The following LAMC3 variants were observed in gnomAD, a reference collection of about 807,000 sequenced individuals.
LAMC3 encodes laminin subunit gamma-3.
A neutral mutation model predicts 173.8 loss-of-function variants in LAMC3; 128 were observed. That is an observed-to-expected ratio of 0.74 (90% CI 0.64 to 0.85). The LOEUF (loss-of-function observed/expected upper bound fraction) is 0.85, where lower values mean the gene tolerates loss of function less well. Ranked by LOEUF, LAMC3 falls within the 40% of genes least tolerant of loss-of-function variation. LAMC3 has a pLI of 0.00. For synonymous variants in LAMC3, 897 were observed against 909.1 expected (o/e 0.99, Z 0.24); for missense variants, 2,022 against 2,156.0 (o/e 0.94, Z 1.23).
rs1834059786 is a variant in LAMC3, at chr9:131,041,662, A to G, written c.1309A>G (p.Ser437Gly). The change falls in exon 7 of 28, where the codon AGC becomes GGC. Residue 437 changes from serine to glycine, a missense_variant. Physicochemically the swap from Ser to Gly is moderately conservative, Grantham distance 56 (BLOSUM62 0). Transcript: ENST00000361069. ...ACCCTGCACTTGCAATCCCGCTGGC[A>G]GCCTGGACACCTGTGACCCCCGCAG... ...CRPCTCNPAG[S>G]LDTCDPRSGR... The G allele has an allele frequency of 6.2e-7, 1 of 1,614,026 alleles. No homozygotes were observed. The highest frequency in any genetic ancestry group is 1.1e-5 in the South Asian group (1 of 91,072).
At chr9:131,081,428 A>T (rs1830236371) in intron 23 of LAMC3, among the ~76,000 whole-genome samples, 1 of 142,082 alleles carries the variant, frequency 7.0e-6, no homozygotes, top group African/African-American at 2.7e-5. Flanking sequence ...GCTGAGATAG[A>T]GCAGTGTTCC....
chr9:131,024,549 T>A (rs1400370662), intron 1 of LAMC3, among the ~76,000 whole-genome samples: 1 of 151,176 alleles, frequency 6.6e-6, no homozygotes, highest in African/African-American at 2.4e-5. Context: ...CTCTTGGGGG[T>A]CTCTGGGACC....
At chr9:131,014,427 C>T (rs1833482354) in intron 1 of LAMC3, among the ~76,000 whole-genome samples, 1 of 152,244 alleles carries the variant, frequency 6.6e-6, no homozygotes, top group Non-Finnish European at 1.5e-5. Context: ...GGTGCCTCCT[C>T]TGGAAAACCC....
intron 25 of LAMC3, 32 bp downstream of exon 25, chr9:131,085,755 C>G (rs1272324369): frequency 1.2e-6 from 2 of 1,607,460 alleles, no homozygotes; most frequent in Non-Finnish European, 1.7e-6. Context: ...ACAGTGGCCT[C>G]CTTCCCTCCC....
rs1452458345 is a variant in LAMC3, at chr9:131,026,407, T to C, written c.496T>C (p.Ser166Pro). ...PWEPYQFYSA[S>P]CQKTYGRPEG... ...GGAGCCCTACCAGTTCTACAGCGCC[T>C]CCTGCCAGAAGACCTACGGCCGGCC... Residue 166 changes from serine (S) to proline (P), a missense_variant, in exon 2 of 28, where the codon TCC becomes CCC. Transcript: ENST00000361069. This position sits in a 1 kb window ranked among gnomAD's most constrained non-coding sequence, Gnocchi z 4.8. 6.2e-7 allele frequency: 1 copy of C among 1,614,034 alleles called. No homozygotes were observed.
intron 3 of LAMC3, 65 bp downstream of exon 3, chr9:131,032,240 C>T (rs2133236283): frequency 1.3e-6 from 1 of 773,988 alleles, no homozygotes; most frequent in African/African-American, 2.3e-5. Flanking sequence ...CGGAAGGTGG[C>T]TGCTGTGGGG....
chr9:131,032,489 T>TCTCGCTCTCTCTCA (rs1170944724), intron 3 of LAMC3, among the ~76,000 whole-genome samples: 4 of 151,156 alleles, frequency 2.6e-5, no homozygotes, highest in South Asian at 4.2e-4. Context: ...TTTCTCTCGC[T>TCTCGCTCTCTCTCA]CTCGCTCTCT....
intron 8 of LAMC3, among the ~76,000 whole-genome samples, chr9:131,048,341 G>A: frequency 6.6e-6 from 1 of 152,184 alleles, no homozygotes; most frequent in Non-Finnish European, 1.5e-5. Context: ...ACAGGCATGA[G>A]CCACTGTGCC....
chr9:131,026,430 G>A lies in LAMC3; in HGVS notation c.519G>A (p.Arg173=), dbSNP rs972944484. ...CCTCCTGCCAGAAGACCTACGGCCG[G>A]CCCGAGGGCCAGTACCTGCGCCCCG... The part of the protein sequence containing the change: ...YSASCQKTYG[R]PEGQYLRPGE... The change falls in exon 2 of 28, where the codon CGG becomes CGA. Residue 173 remains arginine (R), a synonymous_variant. Transcript: ENST00000361069. The surrounding 1 kb of genome is among the most constrained non-coding windows in gnomAD (Gnocchi z 4.8). 3.1e-6 allele frequency: 5 copies of A among 1,613,804 alleles called. No individual in the cohort carries two copies. The highest frequency in any genetic ancestry group is 4.2e-6 in the Non-Finnish European group (5 of 1,179,932).
At position 131,027,784 on chromosome 9, in the gene LAMC3, G is replaced by A. The variant is rs143517209; in HGVS notation, c.678+1195G>A. ...GCCCACCCACACTCGGGAGATACGC[G>A]CGCATGACAGCTCCCCGTCCTTGTC... is the stretch of plus-strand genomic sequence containing the variant. On this transcript the variant is annotated intron_variant, in intron 2 of 27. Transcript: ENST00000361069. Among the ~76,000 whole-genome samples the A allele has an allele frequency of 2.2e-4, 33 of 152,314 alleles. No individual in the cohort carries two copies. The South Asian group carries it at 5.4e-3, about 25-fold the overall frequency.
rs1412550450 is a variant in LAMC3 at position 131,049,945 on chromosome 9, T to G, written c.1630+815T>G. Among the ~76,000 whole-genome samples the G allele has an allele frequency of 2.0e-5, 3 of 152,330 alleles. No homozygotes were observed. In the East Asian group the frequency reaches 5.8e-4, roughly 29 times the overall value. On this transcript the variant is annotated intron_variant, in intron 9 of 27. Coordinates refer to ENST00000361069, the MANE Select transcript of LAMC3 (RefSeq NM_006059.4). ...GCCCCACTGTGGCTGATTCAGGACC[T>G]GCCAGCACCCCCGACCAGCTCTGCC...
chr9:131,089,321 A>T (rs927601867), intron 27 of LAMC3, among the ~76,000 whole-genome samples: 1 of 152,080 alleles, frequency 6.6e-6, no homozygotes, highest in Admixed American at 6.5e-5. Flanking sequence ...ACTTAAAAAA[A>T]AAAAAGAATT....
chr9:131,075,378 A>G (rs1338219198), intron 20 of LAMC3, among the ~76,000 whole-genome samples: 1 of 152,150 alleles, frequency 6.6e-6, no homozygotes, highest in Non-Finnish European at 1.5e-5. Context: ...GGTCGAGACC[A>G]GCCTGGCCAA....
At chr9:131,083,288 T>C (rs1235865433) in intron 24 of LAMC3, among the ~76,000 whole-genome samples, 1 of 152,152 alleles carries the variant, frequency 6.6e-6, no homozygotes, top group Non-Finnish European at 1.5e-5. Flanking sequence ...TTGTGTGTAG[T>C]GGATGGAAAT....
At chr9:131,089,956 TTTTA>T (rs1830395590) in intron 27 of LAMC3, among the ~76,000 whole-genome samples, 1 of 99,846 alleles carries the variant, frequency 1.0e-5, no homozygotes, top group Non-Finnish European at 2.0e-5. Context: ...TATTTTTATT[TTTTA>T]TTTATTTTTG....
intron 1 of LAMC3, among the ~76,000 whole-genome samples, chr9:131,024,641 G>T (rs1193435932): frequency 6.6e-6 from 1 of 152,146 alleles, no homozygotes; most frequent in African/African-American, 2.4e-5. Flanking sequence ...GAAGTGAGAG[G>T]CTACTGCCAA....
At chr9:131,087,270 C>A (rs1830347490) in intron 25 of LAMC3, among the ~76,000 whole-genome samples, 1 of 152,236 alleles carries the variant, frequency 6.6e-6, no homozygotes, top group Non-Finnish European at 1.5e-5. Context: ...GTTAGAATTG[C>A]TCCTCCTGAA....
intron 21 of LAMC3, among the ~76,000 whole-genome samples, chr9:131,076,307 GC>G (rs1385939536): frequency 1.3e-5 from 2 of 151,800 alleles, no homozygotes; most frequent in Non-Finnish European, 2.9e-5. Flanking sequence ...GCTCCTCTGA[GC>G]TCCTCTGAGG....
chr9:131,036,015 G>A (rs1441835796), intron 3 of LAMC3, 151 bp from the exon 4 acceptor site: 1 of 806,034 alleles, frequency 1.2e-6, no homozygotes, highest in South Asian at 1.5e-5. Context: ...TGTTACTGCT[G>A]CCCCCAGGGC....
Sources: allele counts gnomAD v4.1 joint callset (sites outside exome capture counted in the v4.1 genomes callset), GRCh38; gene constraint gnomAD v4.1.1; non-coding constraint Gnocchi (gnomAD v3.1); transcripts MANE v1.5; gene names NCBI Gene and HGNC (gene_info 2026-07-23, HGNC 2026-07-21).